The following PITPNB variants were observed in gnomAD, a reference collection of about 807,000 sequenced individuals.
PITPNB encodes phosphatidylinositol transfer protein beta.
A neutral mutation model predicts 45.9 loss-of-function variants in PITPNB; 16 were observed. The observed-to-expected ratio is 0.35, with a 90% CI of 0.24 to 0.53. The LOEUF (loss-of-function observed/expected upper bound fraction) is 0.53, where lower values mean the gene tolerates loss of function less well. Ranked by LOEUF, PITPNB falls within the 20% of genes least tolerant of loss-of-function variation. PITPNB has a pLI of 0.93. For missense variants in PITPNB, 188 were observed against 330.5 expected, an observed-to-expected ratio of 0.57 and a Z score of 3.34; for synonymous variants, 112 against 108.9, an observed-to-expected ratio of 1.03 and a Z score of -0.18.
intron 7 of PITPNB, among the ~76,000 whole-genome samples, chr22:27,879,254 A>T (rs1934902452): frequency 6.6e-6 from 1 of 152,226 alleles, no homozygotes; most frequent in Non-Finnish European, 1.5e-5. Flanking sequence ...ATTAATAGAG[A>T]AAGAGAAAGA....
intron 6 of PITPNB, among the ~76,000 whole-genome samples, chr22:27,896,217 GACAA>G (rs1179813854): frequency 1.3e-5 from 2 of 152,194 alleles, no homozygotes; most frequent in East Asian, 1.9e-4. Context: ...GAGCAGCTCT[GACAA>G]ACACTCAGAT....
At chr22:27,854,188 G>A (rs1221693386) in intron 11 of PITPNB, among the ~76,000 whole-genome samples, 3 of 151,300 alleles carry the variant, frequency 2.0e-5, no homozygotes, top group Admixed American at 6.6e-5. Context: ...ACAGCACACT[G>A]TTGATTTTTG....
At position 27,868,963 on chromosome 22, in the gene PITPNB, G is replaced by A. The variant is rs1300354973; in HGVS notation, c.534+4775C>T. Among the ~76,000 whole-genome samples the A allele has an allele frequency of 2.0e-5, 3 of 152,072 alleles. No homozygotes were observed. In the East Asian group the frequency reaches 5.8e-4, roughly 29 times the overall value. On this transcript the variant is annotated intron_variant, in intron 8 of 11. Transcript: ENST00000335272. ...GAAGGAAGAAATGAGGCCTTGCCATGGGATAAAAATGAAACCATAATCGTC... is the reference window on the plus strand; with the variant it reads ...GAAGGAAGAAATGAGGCCTTGCCATAGGATAAAAATGAAACCATAATCGTC...
chr22:27,859,640 C>T (rs1934263456), intron 9 of PITPNB, among the ~76,000 whole-genome samples: 1 of 152,154 alleles, frequency 6.6e-6, no homozygotes, highest in Non-Finnish European at 1.5e-5. Flanking sequence ...GATTGTGTAC[C>T]TTAGTTCACA....
intron 8 of PITPNB, among the ~76,000 whole-genome samples, chr22:27,862,593 T>C (rs1934370994): frequency 6.6e-6 from 1 of 152,188 alleles, no homozygotes; most frequent in South Asian, 2.1e-4. Flanking sequence ...TAGCTCTATT[T>C]TTCCATGACG....
intron 2 of PITPNB, among the ~76,000 whole-genome samples, chr22:27,912,501 T>A (rs913684349): frequency 6.6e-6 from 1 of 152,096 alleles, no homozygotes; most frequent in African/African-American, 2.4e-5. Context: ...TGAGTCTAGG[T>A]CAAAAGATAA....
intron 7 of PITPNB, among the ~76,000 whole-genome samples, chr22:27,890,044 A>G (rs557918882): frequency 3.7e-4 from 57 of 152,332 alleles, no homozygotes; most frequent in Admixed American, 1.8e-3. Flanking sequence ...GGCGGAAATT[A>G]AAGGGTTAGA....
At chr22:27,864,160 T>G (rs929485164) in intron 8 of PITPNB, among the ~76,000 whole-genome samples, 18 of 152,200 alleles carry the variant, frequency 1.2e-4, no homozygotes, top group African/African-American at 4.3e-4. Context: ...ATATACATTT[T>G]TTTCAATCAT....
intron 6 of PITPNB, among the ~76,000 whole-genome samples, chr22:27,895,461 A>G (rs892023275): frequency 1.3e-5 from 2 of 151,898 alleles, no homozygotes; most frequent in African/African-American, 2.4e-5. Flanking sequence ...ATGGTGGTGC[A>G]TGCCTGCAGT....
At chr22:27,884,102 G>A (rs1215243163) in intron 7 of PITPNB, among the ~76,000 whole-genome samples, 1 of 152,102 alleles carries the variant, frequency 6.6e-6, no homozygotes, top group Non-Finnish European at 1.5e-5. Flanking sequence ...CTGGTCCAGA[G>A]TCTCAACAGC....
At chr22:27,863,034 TG>T (rs1383937300) in intron 8 of PITPNB, among the ~76,000 whole-genome samples, 4 of 152,250 alleles carry the variant, frequency 2.6e-5, no homozygotes, top group African/African-American at 9.6e-5. Context: ...ACAGATCATT[TG>T]ATCAATAAAC....
intron 9 of PITPNB, 118 bp downstream of exon 9, chr22:27,860,013 G>T (rs1934278873): frequency 1.6e-6 from 1 of 626,172 alleles, no homozygotes; most frequent in Non-Finnish European, 2.9e-6. Context: ...ATTATGTAGG[G>T]ACAATAATTT....
At chr22:27,895,556 C>A (rs900187295) in intron 6 of PITPNB, among the ~76,000 whole-genome samples, 2 of 151,798 alleles carry the variant, frequency 1.3e-5, no homozygotes, top group African/African-American at 4.8e-5. Flanking sequence ...CGTGATTGCA[C>A]CCCAGCCTGG....
rs1284086900 is a variant in PITPNB at position 27,852,168 on chromosome 22, C to T, written c.*1534G>A. ...ACTCCAGTGGGGGAGGGATGCAGGA[C>T]ATGTGGGAAAACGAGGAGCAGGCAG... On this transcript the variant is annotated 3_prime_UTR_variant, in exon 12 of 12. Coordinates refer to ENST00000335272, the MANE Select transcript of PITPNB (RefSeq NM_012399.5). 6.6e-6 allele frequency: 1 copy of T among 152,150 alleles called. No homozygotes were observed. The highest frequency in any genetic ancestry group is 1.5e-5 in the Non-Finnish European group (1 of 68,052). 9.4% of individuals were successfully genotyped at this position (152,150 alleles called of 1,614,324 possible). A position where few individuals can be genotyped will look rare whatever the true frequency, so the allele number is the denominator to read the frequency against.
intron 1 of PITPNB, among the ~76,000 whole-genome samples, chr22:27,917,718 G>A (rs1936123565): frequency 1.3e-5 from 2 of 152,114 alleles, no homozygotes; most frequent in African/African-American, 2.4e-5. Context: ...AAAAACTGGG[G>A]ATATGAGAGT....
chr22:27,875,974 A>T (rs1934809746), intron 7 of PITPNB, among the ~76,000 whole-genome samples: 1 of 152,204 alleles, frequency 6.6e-6, no homozygotes, highest in Non-Finnish European at 1.5e-5. Flanking sequence ...ACACTTTTAA[A>T]ATGAATTTTA....
chr22:27,858,530 AAGT>A, intron 9 of PITPNB, 21 bp from the exon 10 acceptor site: 11 of 1,595,946 alleles, frequency 6.9e-6, no homozygotes, highest in Non-Finnish European at 8.5e-6. Context: ...AACAACAAAA[AAGT>A]AGCATAAGAT....
intron 7 of PITPNB, among the ~76,000 whole-genome samples, chr22:27,892,388 T>G (rs1398994335): frequency 6.6e-6 from 1 of 152,208 alleles, no homozygotes; most frequent in Non-Finnish European, 1.5e-5. Flanking sequence ...TATCTTGTAC[T>G]CTGCTGGTGA....
chr22:27,899,684 T>A (rs1365194322), intron 3 of PITPNB, among the ~76,000 whole-genome samples: 1 of 152,172 alleles, frequency 6.6e-6, no homozygotes, highest in Non-Finnish European at 1.5e-5. Flanking sequence ...CAAGCCAGGA[T>A]AACTGAAAAT....
Sources: gnomAD v4.1 joint callset for allele counts (sites outside exome capture counted in the v4.1 genomes callset) on GRCh38, gnomAD v4.1.1 for gene constraint, MANE v1.5 for transcripts, NCBI Gene and HGNC (gene_info 2026-07-23, HGNC 2026-07-21) for gene names.